DRD3: variants seen among roughly 807,000 people sequenced by gnomAD.
DRD3 encodes D(3) dopamine receptor.
Under a neutral mutation model 36.3 loss-of-function variants are expected in DRD3, and 19 were observed. The ratio of observed to expected loss-of-function variants is 0.52; its 90% confidence interval spans 0.36 to 0.77. The LOEUF is 0.77. Ranked by LOEUF, DRD3 falls within the 30% of genes least tolerant of loss-of-function variation. The probability of loss-of-function intolerance (pLI) is 0.00; values close to 1 mark genes in which losing one functional copy is unlikely to be tolerated. For synonymous variants in DRD3, 195 were observed against 203.7 expected, an observed-to-expected ratio of 0.96 and a Z score of 0.36; for missense variants, 465 against 505.3, an observed-to-expected ratio of 0.92 and a Z score of 0.77.
At chr3:114,129,345 A>AC (rs2077406504) in intron 6 of DRD3, among the ~76,000 whole-genome samples, 4 of 121,142 alleles carry the variant, frequency 3.3e-5, no homozygotes, top group East Asian at 4.9e-4. Context: ...TCCATCTCAA[A>AC]AAAAACAAAA....
At chr3:114,156,749 TTCTTTCTTTCTTTCTTTCTTTC>T (rs2077674781) in intron 3 of DRD3, among the ~76,000 whole-genome samples, 2 of 100,142 alleles carry the variant, frequency 2.0e-5, no homozygotes, top group African/African-American at 4.0e-5. Flanking sequence ...TTCTTTTTCT[TTCTTTCTTTCTTTCTTTCTTTC>T]TTTCTTTCTT....
At chr3:114,198,842 A>T (rs957230136) in intron 1 of DRD3, among the ~76,000 whole-genome samples, 8 of 152,112 alleles carry the variant, frequency 5.3e-5, no homozygotes, top group African/African-American at 1.9e-4. Context: ...GGCTCAAGTG[A>T]TCCTCCCACC....
intron 4 of DRD3, among the ~76,000 whole-genome samples, chr3:114,143,030 GT>G (rs1177111930): frequency 6.6e-6 from 1 of 152,236 alleles, no homozygotes; most frequent in Admixed American, 6.5e-5. Flanking sequence ...CACAGCAGCA[GT>G]TCTGAAACCT....
chr3:114,167,552 A>G (rs2077797675), intron 2 of DRD3, among the ~76,000 whole-genome samples: 3 of 152,188 alleles, frequency 2.0e-5, no homozygotes, highest in Admixed American at 2.0e-4. Flanking sequence ...CTTATCTGCC[A>G]GGCTTGAGGA....
At chr3:114,171,038 T>C (rs977971128) in intron 2 of DRD3, among the ~76,000 whole-genome samples, 2 of 152,206 alleles carry the variant, frequency 1.3e-5, no homozygotes, top group East Asian at 1.9e-4. Flanking sequence ...GAAAATACTT[T>C]CAAATTTAAT....
At position 114,159,681 on chromosome 3, in the gene DRD3, C is replaced by T; in HGVS notation, c.383+74G>A. ...GTTCTACTTGGAGGTGACCCCAGTA[C>T]CCTCAAGTGCACAATCTGTCTCTCC... is the stretch of plus-strand genomic sequence containing the variant. On this transcript the variant is annotated intron_variant, in intron 3 of 6. Transcript: ENST00000383673. 4 of 1,220,572 alleles carry T rather than the reference C, an allele frequency of 3.3e-6. No individual in the cohort carries two copies. In the South Asian group the frequency reaches 3.7e-5, roughly 11 times the overall value. The allele number at this position is 1,220,572 out of a possible 1,614,324, so 75.6% of individuals were successfully genotyped here. A position where few individuals can be genotyped will look rare whatever the true frequency, so the allele number is the denominator to read the frequency against.
intron 1 of DRD3, among the ~76,000 whole-genome samples, chr3:114,197,283 T>TTTC (rs1314534323): frequency 7.1e-6 from 1 of 140,206 alleles, no homozygotes; most frequent in East Asian, 2.0e-4. Context: ...AAAAATTTTT[T>TTTC]TTTTTTTTTT....
At chr3:114,142,739 T>C (rs1001608393) in intron 4 of DRD3, among the ~76,000 whole-genome samples, 2 of 151,728 alleles carry the variant, frequency 1.3e-5, no homozygotes, top group Non-Finnish European at 2.9e-5. Context: ...TTAAAAATAT[T>C]GAAAGAGAGA....
chr3:114,155,352 A>G (rs1002709107), intron 3 of DRD3, among the ~76,000 whole-genome samples: 3 of 152,096 alleles, frequency 2.0e-5, no homozygotes, highest in Non-Finnish European at 4.4e-5. Context: ...CCCATATAGA[A>G]CTATGAGCCA....
intron 1 of DRD3, among the ~76,000 whole-genome samples, chr3:114,191,801 T>C (rs772889498): frequency 1.3e-5 from 2 of 152,184 alleles, no homozygotes; most frequent in African/African-American, 2.4e-5. Flanking sequence ...AAAATAGTGA[T>C]TGAATTGGAT....
At chr3:114,137,997 CAAA>C (rs36094182) in intron 5 of DRD3, among the ~76,000 whole-genome samples, 1 of 62,226 alleles carries the variant, frequency 1.6e-5, no homozygotes. Flanking sequence ...GACTCCGTCT[CAAA>C]AAAAAAAAAA....
upstream of DRD3, among the ~76,000 whole-genome samples, chr3:114,183,501 A>T (rs1435287401): frequency 6.6e-6 from 1 of 152,042 alleles, no homozygotes. Flanking sequence ...TGGTGGTTCT[A>T]TCTGTGATTG....
chr3:114,153,173 C>CT (rs2107855018), intron 3 of DRD3, among the ~76,000 whole-genome samples: 1 of 152,254 alleles, frequency 6.6e-6, no homozygotes, highest in South Asian at 2.1e-4. Context: ...TTTGTTTTTT[C>CT]TAAGATCCAA....
At chr3:114,196,611 A>C (rs2078036667) in intron 1 of DRD3, among the ~76,000 whole-genome samples, 1 of 151,490 alleles carries the variant, frequency 6.6e-6, no homozygotes. Flanking sequence ...ACAATGCATA[A>C]ATGTTCCAGC....
intron 2 of DRD3, among the ~76,000 whole-genome samples, chr3:114,167,580 C>T (rs1293692756): frequency 1.3e-5 from 2 of 152,160 alleles, no homozygotes; most frequent in Non-Finnish European, 2.9e-5. Flanking sequence ...TACTGAAGCA[C>T]GTCAGTGACT....
intron 3 of DRD3, among the ~76,000 whole-genome samples, chr3:114,151,526 A>T (rs2077617581): frequency 6.6e-6 from 1 of 152,208 alleles, no homozygotes; most frequent in African/African-American, 2.4e-5. Context: ...TAACTGATGC[A>T]AAAAGTTTCT....
At chr3:114,137,997 C>CAAAAAA (rs36094182) in intron 5 of DRD3, among the ~76,000 whole-genome samples, 1 of 62,220 alleles carries the variant, frequency 1.6e-5, no homozygotes, top group Non-Finnish European at 2.8e-5. Context: ...GACTCCGTCT[C>CAAAAAA]AAAAAAAAAA....
At chr3:114,150,946 A>G (rs1200515774) in intron 3 of DRD3, among the ~76,000 whole-genome samples, 1 of 152,214 alleles carries the variant, frequency 6.6e-6, no homozygotes, top group Non-Finnish European at 1.5e-5. Flanking sequence ...ACTGTGCAGG[A>G]CTTGGCCTTG....
chr3:114,138,105 G>C (rs1425846373), intron 5 of DRD3, among the ~76,000 whole-genome samples: 1 of 149,094 alleles, frequency 6.7e-6, no homozygotes, highest in African/African-American at 2.5e-5. Flanking sequence ...GGAGGTACAG[G>C]CTGCAGTGAG....
Sources: gnomAD v4.1 joint callset for allele counts (sites outside exome capture counted in the v4.1 genomes callset) on GRCh38, gnomAD v4.1.1 for gene constraint, MANE v1.5 for transcripts, NCBI Gene and HGNC (gene_info 2026-07-23, HGNC 2026-07-21) for gene names.